Variants in PPP2R1A observed in about 807,000 individuals in gnomAD.
PPP2R1A encodes the protein serine/threonine-protein phosphatase 2A 65 kDa regulatory subunit A alpha isoform.
A neutral mutation model predicts 67.1 loss-of-function variants in PPP2R1A; 15 were observed. The observed-to-expected ratio is 0.22, with a 90% CI of 0.15 to 0.34. PPP2R1A has a LOEUF of 0.34. Among genes scored for constraint, PPP2R1A ranks in the 10% least tolerant of loss-of-function variants. The probability of loss-of-function intolerance (pLI) is 1.00; values close to 1 mark genes in which losing one functional copy is unlikely to be tolerated. For missense variants in PPP2R1A, 369 were observed against 775.0 expected (o/e 0.48, Z 6.22); for synonymous variants, 337 against 325.0 (o/e 1.04, Z -0.40).
chr19:52,215,815 G>A lies in PPP2R1A; in HGVS notation c.844G>A (p.Asp282Asn), dbSNP rs1978534458. The change falls in exon 7 of 15, where the codon GAC (aspartate) becomes AAC (asparagine). Residue 282 changes from aspartate to asparagine, a missense_variant. Physicochemically the swap from Asp to Asn is conservative, Grantham distance 23 (BLOSUM62 1). Coordinates refer to ENST00000322088, the MANE Select transcript of PPP2R1A (RefSeq NM_014225.6). ...KAVGPEITKT[D>N]LVPAFQNLMK... ...AGTGGGGCCTGAGATCACCAAGACA[G>A]ACCTGGTCCCTGCCTTCCAGAACCT... is the stretch of plus-strand genomic sequence containing the variant. The A allele has an allele frequency of 6.2e-7, 1 of 1,613,956 alleles. No homozygotes were observed. Among genetic ancestry groups the A allele is most frequent in the African/African-American group, 1.3e-5 (1 of 74,928 alleles).
chr19:52,224,502 TC>T lies in PPP2R1A; in HGVS notation c.1662-1213del, dbSNP rs1979133740. Among the ~76,000 whole-genome samples the T allele has an allele frequency of 2.0e-5, 3 of 152,274 alleles. No individual in the cohort carries two copies. In the South Asian group the frequency reaches 6.2e-4, roughly 32 times the overall value. The stretch of plus-strand genomic sequence containing the variant: ...AAGAGTGATTTAGCTCTGTATTCAC[TC>T]CTAATACATTGTAGGCCTCAGTGAA... On this transcript the variant is annotated intron_variant, in intron 13 of 14. Coordinates refer to ENST00000322088, the MANE Select transcript of PPP2R1A (RefSeq NM_014225.6).
At chr19:52,194,404 G>T (rs1258276585) in intron 1 of PPP2R1A, among the ~76,000 whole-genome samples, 1 of 152,204 alleles carries the variant, frequency 6.6e-6, no homozygotes, top group Admixed American at 6.5e-5. Flanking sequence ...AGTGAGGCCT[G>T]TGGGCCAAGG....
intron 12 of PPP2R1A, among the ~76,000 whole-genome samples, chr19:52,221,748 C>T (rs1478018886): frequency 6.6e-6 from 1 of 152,068 alleles, no homozygotes; most frequent in Non-Finnish European, 1.5e-5. Flanking sequence ...ATGTGTAAAC[C>T]ATACACAGGG....
At chr19:52,206,507 A>G (rs1019257681) in intron 3 of PPP2R1A, among the ~76,000 whole-genome samples, 6 of 152,146 alleles carry the variant, frequency 3.9e-5, no homozygotes, top group African/African-American at 1.2e-4. Context: ...GTTAACTGCA[A>G]TTGTCATTAT....
chr19:52,207,781 G>A (rs1362131699), intron 3 of PPP2R1A, among the ~76,000 whole-genome samples: 1 of 152,194 alleles, frequency 6.6e-6, no homozygotes, highest in African/African-American at 2.4e-5. Context: ...GGAAGAGGCA[G>A]AGTCCAGATT....
At chr19:52,220,271 G>C (rs776136012) in intron 11 of PPP2R1A, 22 bp downstream of exon 11, 2 of 1,611,610 alleles carry the variant, frequency 1.2e-6, no homozygotes, top group Non-Finnish European at 1.7e-6. Context: ...CACAGGAGCA[G>C]CAAGAGGAGA....
At chr19:52,217,350 C>T (rs1978638966) in intron 9 of PPP2R1A, among the ~76,000 whole-genome samples, 1 of 152,228 alleles carries the variant, frequency 6.6e-6, no homozygotes, top group Non-Finnish European at 1.5e-5. Flanking sequence ...AGGCAAGAGC[C>T]ACCACATCTA....
intron 1 of PPP2R1A, among the ~76,000 whole-genome samples, chr19:52,194,239 G>A (rs1255035146): frequency 1.3e-5 from 2 of 152,124 alleles, no homozygotes; most frequent in African/African-American, 4.8e-5. Flanking sequence ...TGAACAGGTC[G>A]TGGAAGAGCA....
At chr19:52,191,341 T>G (rs1245184202) in intron 1 of PPP2R1A, 2 of 152,266 alleles carry the variant, frequency 1.3e-5, no homozygotes, top group African/African-American at 4.8e-5. Context: ...AGTCCTGGTC[T>G]TGCTGGAGGG....
chr19:52,196,082 T>A (rs922131025), intron 1 of PPP2R1A, among the ~76,000 whole-genome samples: 2 of 152,136 alleles, frequency 1.3e-5, no homozygotes, highest in African/African-American at 4.8e-5. Flanking sequence ...TTCCAAAGAT[T>A]TGAGGAGTTG....
chr19:52,201,250 G>A (rs2089545520), intron 1 of PPP2R1A: 1 of 152,306 alleles, frequency 6.6e-6, no homozygotes, highest in South Asian at 2.1e-4. Flanking sequence ...TCCTGTACTG[G>A]TGGTATTATT....
At position 52,211,380 on chromosome 19, in the gene PPP2R1A, C is replaced by T; in HGVS notation, c.391C>T (p.Leu131=). 6.2e-7 allele frequency: 1 copy of T among 1,614,192 alleles called. No individual in the cohort carries two copies. The highest frequency in any genetic ancestry group is 8.5e-7 in the Non-Finnish European group (1 of 1,180,026). Residue 131 remains leucine (L), a synonymous_variant, in exon 4 of 15, where the codon CTA becomes TTA. Transcript: ENST00000322088. This position sits in a 1 kb window ranked among gnomAD's most constrained non-coding sequence, Gnocchi z 5.3. ...PSDLEAHFVP[L]VKRLAGGDWF... is the part of the protein sequence containing the mutation. ...TGACCTGGAGGCGCACTTTGTGCCG[C>T]TAGTGAAGCGGCTGGCGGGCGGCGA...
intron 3 of PPP2R1A, among the ~76,000 whole-genome samples, chr19:52,207,102 C>T (rs1392853572): frequency 2.6e-5 from 4 of 152,176 alleles, no homozygotes; most frequent in Admixed American, 2.6e-4. Flanking sequence ...TCTCAGCCTT[C>T]ATCTGGGCAT....
At chr19:52,197,440 C>G (rs945162661) in intron 1 of PPP2R1A, among the ~76,000 whole-genome samples, 1 of 151,932 alleles carries the variant, frequency 6.6e-6, no homozygotes, top group Non-Finnish European at 1.5e-5. Context: ...TTTGGGAGGT[C>G]GAGGTGGGAG....
intron 1 of PPP2R1A, among the ~76,000 whole-genome samples, chr19:52,194,088 C>CA (rs915576804): frequency 0.28 from 15,161 of 54,916 alleles, 965 homozygotes; most frequent in Non-Finnish European, 0.31. Context: ...ACCCTGTCTC[C>CA]AAAAAAAAAA....
chr19:52,227,944 T>C lies in PPP2R1A; in HGVS notation c.*1963T>C, dbSNP rs10403806. On this transcript the variant is annotated 3_prime_UTR_variant, in exon 15 of 15. Transcript: ENST00000322088. ...CTTGTTAGAAATGCAGAGCCTCTCG[T>C]CCCTGCCCCGACCTGCTCAGGCAGA... 23,651 of 152,124 alleles carry C rather than the reference T, an allele frequency of 0.16. 2,305 individuals carry two copies. Among genetic ancestry groups the C allele is most frequent in the African/African-American group, 0.28 (11,600 of 41,460 alleles). 9.4% of individuals were successfully genotyped at this position (152,124 alleles called of 1,614,324 possible).
In PPP2R1A at chr19:52,197,969, G is replaced by C. The variant is rs2089511210; in HGVS notation, c.79-3975G>C. ...GTGAAAAAAGGGAAAAGAAACATCA[G>C]TGGACCAGCTGCCACGATGTCCTTC... On this transcript the variant is annotated intron_variant, in intron 1 of 14. Coordinates refer to ENST00000322088, the MANE Select transcript of PPP2R1A (RefSeq NM_014225.6). 1.3e-5 allele frequency among the ~76,000 whole-genome samples: 2 copies of C among 152,216 alleles called. 1 individual carries two copies. Among genetic ancestry groups the C allele is most frequent in the South Asian group, 4.1e-4 (2 of 4,836 alleles).
At chr19:52,193,975 G>A (rs2089476266) in intron 1 of PPP2R1A, among the ~76,000 whole-genome samples, 1 of 150,768 alleles carries the variant, frequency 6.6e-6, no homozygotes, top group Non-Finnish European at 1.5e-5. Context: ...ATTAGCTGGT[G>A]TGATGACACA....
At chr19:52,203,583 A>G (rs10406808) in intron 2 of PPP2R1A, among the ~76,000 whole-genome samples, 2,147 of 152,232 alleles carry the variant, frequency 0.014, 51 homozygotes, top group African/African-American at 0.05. Context: ...ACTTTCCTCT[A>G]CTTTCACACC....
Sources: gnomAD v4.1 joint callset for allele counts (sites outside exome capture counted in the v4.1 genomes callset) on GRCh38, gnomAD v4.1.1 for gene constraint, Gnocchi (gnomAD v3.1) non-coding constraint, MANE v1.5 for transcripts, NCBI Gene and HGNC (gene_info 2026-07-23, HGNC 2026-07-21) for gene names.